Variants in BANP observed in about 807,000 individuals in gnomAD.
The protein encoded by BANP is BTG3 associated nuclear protein.
A neutral mutation model predicts 68.1 loss-of-function variants in BANP; 11 were observed. That is an observed-to-expected ratio of 0.16 (90% confidence interval 0.10 to 0.27). BANP has a LOEUF of 0.27. Among genes scored for constraint, BANP ranks in the 10% least tolerant of loss-of-function variants. BANP has a pLI of 1.00. For synonymous variants in BANP, 329 were observed against 303.2 expected, an observed-to-expected ratio of 1.09 and a Z score of -0.88; for missense variants, 504 against 722.7, an observed-to-expected ratio of 0.70 and a Z score of 3.47.
At chr16:88,075,340 C>G (rs1052578787) in intron 13 of BANP, among the ~76,000 whole-genome samples, 1 of 152,032 alleles carries the variant, frequency 6.6e-6, no homozygotes, top group Non-Finnish European at 1.5e-5. Flanking sequence ...AGTGAGACTC[C>G]GTCTCAAAAA....
At chr16:88,011,173 C>T (rs4843842) in intron 6 of BANP, among the ~76,000 whole-genome samples, 1 of 152,166 alleles carries the variant, frequency 6.6e-6, no homozygotes, top group African/African-American at 2.4e-5. Context: ...CAGCGGCTTG[C>T]GTTGAGTTTC....
intron 11 of BANP, among the ~76,000 whole-genome samples, chr16:88,039,301 C>T (rs2080175277): frequency 6.8e-6 from 1 of 146,370 alleles, no homozygotes; most frequent in African/African-American, 2.4e-5. Flanking sequence ...TTTGTGCTCA[C>T]TCCACTGGGG....
chr16:88,024,615 C>T (rs181725307), intron 7 of BANP, among the ~76,000 whole-genome samples: 4 of 152,348 alleles, frequency 2.6e-5, no homozygotes, highest in Non-Finnish European at 5.9e-5. Flanking sequence ...CTGCGGGCGG[C>T]GCCTGCACCC....
intron 1 of BANP, among the ~76,000 whole-genome samples, chr16:87,968,877 T>G (rs1385723238): frequency 6.6e-6 from 1 of 152,180 alleles, no homozygotes; most frequent in Non-Finnish European, 1.5e-5. Context: ...GTATACTTCT[T>G]TTTCTTTTTG....
At position 88,071,297 on chromosome 16, in the gene BANP, C is replaced by T. The variant is rs929323038; in HGVS notation, c.1378-772C>T. 1 of 364,952 alleles carries T rather than the reference C, an allele frequency of 2.7e-6. No homozygotes were observed. Among genetic ancestry groups the T allele is most frequent in the South Asian group, 2.0e-5 (1 of 49,072 alleles). 22.6% of individuals were successfully genotyped at this position (364,952 alleles called of 1,614,324 possible). On this transcript the variant is annotated intron_variant, in intron 12 of 13. Coordinates refer to ENST00000682872, the MANE Select transcript of BANP (RefSeq NM_001386991.1). The surrounding 1 kb of genome is among the most constrained non-coding windows in gnomAD (Gnocchi z 6.5). ...TGCCCTCAGGGCTGGGGCTGCCCACCCGCCTGCCTGGGCCGTCTTGACACC... is the reference window on the plus strand; with the variant it reads ...TGCCCTCAGGGCTGGGGCTGCCCACTCGCCTGCCTGGGCCGTCTTGACACC...
At chr16:87,975,573 A>G (rs13331671) in intron 2 of BANP, among the ~76,000 whole-genome samples, 112,542 of 129,452 alleles carry the variant, frequency 0.87, 48,344 homozygotes, top group African/African-American at 0.93. Context: ...GTGTAATCCC[A>G]TGTGCGGCGT....
intron 4 of BANP, among the ~76,000 whole-genome samples, chr16:87,992,615 G>C (rs7498478): frequency 0.33 from 50,711 of 151,782 alleles, 9,798 homozygotes; most frequent in Non-Finnish European, 0.46. Context: ...CTAACGAGGC[G>C]AAACCCCGTC....
At chr16:87,975,526 CCT>C (rs58671813) in intron 2 of BANP, among the ~76,000 whole-genome samples, 2 of 151,930 alleles carry the variant, frequency 1.3e-5, no homozygotes, top group African/African-American at 4.8e-5. Flanking sequence ...TGTGTAATCC[CCT>C]GTGTGCGGCG....
At chr16:88,056,608 C>G (rs2085104023) in intron 11 of BANP, among the ~76,000 whole-genome samples, 1 of 152,222 alleles carries the variant, frequency 6.6e-6, no homozygotes, top group Admixed American at 6.5e-5. Flanking sequence ...CCCTGAGATG[C>G]TCCCACTGCT....
intron 7 of BANP, among the ~76,000 whole-genome samples, chr16:88,024,609 G>A (rs547415553): frequency 2.0e-5 from 3 of 152,206 alleles, no homozygotes; most frequent in African/African-American, 2.4e-5. Flanking sequence ...TAGCATCTGC[G>A]GGCGGCGCCT....
chr16:87,958,708 A>G (rs949406071), intron 1 of BANP, among the ~76,000 whole-genome samples: 2 of 152,196 alleles, frequency 1.3e-5, no homozygotes, highest in South Asian at 4.1e-4. Flanking sequence ...GTCTCAAGAA[A>G]AAACAAGCAA....
Position 88,036,509 on chromosome 16 carries a change from G to A in BANP, c.1272+1115G>A, listed in dbSNP as rs1054360399. On this transcript the variant is annotated intron_variant, in intron 10 of 13. Transcript: ENST00000682872. This position sits in a 1 kb window ranked among gnomAD's most constrained non-coding sequence, Gnocchi z 4.2. The stretch of plus-strand genomic sequence containing the variant: ...TGTGGACACATGCACGCCGTGGCAC[G>A]TGGAGCACCAGGGACTCGGGCGTGT... Among the ~76,000 whole-genome samples, 1 of 152,154 alleles carries A rather than the reference G, an allele frequency of 6.6e-6. No individual in the cohort carries two copies. The highest frequency in any genetic ancestry group is 1.5e-5 in the Non-Finnish European group (1 of 68,028).
intron 8 of BANP, among the ~76,000 whole-genome samples, chr16:88,032,644 T>G (rs570388228): frequency 6.6e-6 from 1 of 152,394 alleles, no homozygotes; most frequent in South Asian, 2.1e-4. Flanking sequence ...GAGACATCAT[T>G]ACAGTGAAAA....
chr16:88,047,113 C>T (rs112666946), intron 11 of BANP, among the ~76,000 whole-genome samples: 1 of 151,990 alleles, frequency 6.6e-6, no homozygotes, highest in Non-Finnish European at 1.5e-5. Flanking sequence ...TTTTGGTGAT[C>T]TTAGGGAGCC....
chr16:87,974,700 G>A (rs1285641743), intron 1 of BANP, among the ~76,000 whole-genome samples: 1 of 152,136 alleles, frequency 6.6e-6, no homozygotes, highest in Admixed American at 6.5e-5. Flanking sequence ...CAGAGCGTTT[G>A]CTGTAGTCAG....
intron 8 of BANP, among the ~76,000 whole-genome samples, 200 bp downstream of exon 8, chr16:88,027,850 C>T (rs1008163692): frequency 6.6e-6 from 1 of 152,250 alleles, no homozygotes; most frequent in African/African-American, 2.4e-5. Context: ...CGGACAGCCT[C>T]GGGCCTGCTC....
chr16:88,048,624 AC>A lies in BANP; in HGVS notation c.1311+10615del, dbSNP rs558085517. Among the ~76,000 whole-genome samples, 29 of 151,948 alleles carry A rather than the reference AC, an allele frequency of 1.9e-4. No individual in the cohort carries two copies. The South Asian group carries it at 4.0e-3, about 21-fold the overall frequency. On this transcript the variant is annotated intron_variant, in intron 11 of 13. Transcript: ENST00000682872. Reference sequence around the variant, plus strand: ...TGTTCTCGGTATTAAATCTGCACTCACCACAGATTAAAGAAAGGAGGTGGAT... The same window carrying A: ...TGTTCTCGGTATTAAATCTGCACTCACACAGATTAAAGAAAGGAGGTGGAT...
chr16:87,998,795 T>G (rs1301999404), intron 4 of BANP, among the ~76,000 whole-genome samples: 3 of 141,468 alleles, frequency 2.1e-5, no homozygotes, highest in Non-Finnish European at 3.1e-5. Context: ...TGCGCGGCTG[T>G]ACTTACCTGT....
At chr16:88,058,766 G>A (rs1353712101) in intron 11 of BANP, among the ~76,000 whole-genome samples, 1 of 152,154 alleles carries the variant, frequency 6.6e-6, no homozygotes, top group Non-Finnish European at 1.5e-5. Flanking sequence ...TGGCTGCATT[G>A]TGTAATTGGC....
Sources: allele counts gnomAD v4.1 joint callset (sites outside exome capture counted in the v4.1 genomes callset), GRCh38; gene constraint gnomAD v4.1.1; non-coding constraint Gnocchi (gnomAD v3.1); transcripts MANE v1.5; gene names NCBI Gene and HGNC (gene_info 2026-07-23, HGNC 2026-07-21).